The following RPL6 variants were observed in gnomAD, a reference collection of about 807,000 sequenced individuals.
RPL6 encodes ribosomal protein L6, also known as large ribosomal subunit protein eL6.
In RPL6, 1 loss-of-function variant was observed where a neutral mutation model predicts 32.1. The ratio of observed to expected loss-of-function variants is 0.03; its 90% CI spans 0.01 to 0.15. The LOEUF is 0.15. Ranked by LOEUF, RPL6 falls within the 10% of genes least tolerant of loss-of-function variation. RPL6 has a pLI of 1.00. For missense variants in RPL6, 275 were observed against 354.6 expected, an observed-to-expected ratio of 0.78 and a Z score of 1.80; for synonymous variants, 126 against 131.6, an observed-to-expected ratio of 0.96 and a Z score of 0.29.
At chr12:112,405,480 T>C (rs2037134319) in intron 6 of RPL6, 104 bp from the exon 7 acceptor site, 4 of 1,152,402 alleles carry the variant, frequency 3.5e-6, no homozygotes, top group Non-Finnish European at 5.0e-6. Context: ...CAAGAATATT[T>C]AGAAAACATT....
At position 112,405,310 on chromosome 12, in the gene RPL6, T is replaced by G; in HGVS notation, c.781A>C (p.Ile261Leu). The G allele has an allele frequency of 6.2e-7, 1 of 1,611,290 alleles. No individual in the cohort carries two copies. Among genetic ancestry groups the G allele is most frequent in the Non-Finnish European group, 8.5e-7 (1 of 1,179,316 alleles). ...CCCTGGAGCTGAGGAATAGCTTTGA[T>G]TTTTGGTAAAATTTGTGAGTCCACA... ...KAVDSQILPK[I>L]KAIPQLQGYL... The change falls in exon 7 of 7, where the codon ATC becomes CTC. Residue 261 changes from isoleucine to leucine, a missense_variant. By Grantham distance (5) the Ile-to-Leu change is conservative (BLOSUM62 2). Coordinates refer to ENST00000202773, the MANE Select transcript of RPL6 (RefSeq NM_000970.6).
At chr12:112,415,655 G>T (rs1317763594) in intron 1 of RPL6, among the ~76,000 whole-genome samples, 1 of 152,064 alleles carries the variant, frequency 6.6e-6, no homozygotes, top group Non-Finnish European at 1.5e-5. Context: ...GGTGGAGTTT[G>T]CAGTGAGCCG....
chr12:112,418,116 A>T (rs147686007), intron 1 of RPL6, among the ~76,000 whole-genome samples: 2,369 of 152,072 alleles, frequency 0.016, 67 homozygotes, highest in African/African-American at 0.053. Flanking sequence ...AGCAGCTGGG[A>T]CTACAGGCGC....
intron 5 of RPL6, 75 bp downstream of exon 5, chr12:112,406,219 G>C: frequency 7.4e-7 from 1 of 1,359,422 alleles, no homozygotes; most frequent in South Asian, 1.2e-5. Flanking sequence ...GTAGGCAGTA[G>C]CAAACAAACG....
chr12:112,409,630 A>G (rs937935312), upstream of RPL6: 1 of 397,422 alleles, frequency 2.5e-6, no homozygotes, highest in Non-Finnish European at 4.4e-6. Context: ...CTTCCGGTCT[A>G]TAAGCAATCA....
At chr12:112,405,446 T>A in intron 6 of RPL6, 70 bp from the exon 7 acceptor site, 3 of 1,461,682 alleles carry the variant, frequency 2.1e-6, no homozygotes, top group Non-Finnish European at 2.8e-6. Flanking sequence ...AACTAAGGAG[T>A]CCTGTCTCAC....
intron 3 of RPL6, 102 bp from the exon 4 acceptor site, chr12:112,406,992 G>A (rs946742025): frequency 3.7e-6 from 4 of 1,095,518 alleles, no homozygotes; most frequent in Admixed American, 4.9e-5. Context: ...TTATTTTAAA[G>A]TATAATACTG....
At chr12:112,405,186 A>C (rs752283937), downstream of RPL6, 50 of 1,548,196 alleles carry the variant, frequency 3.2e-5, no homozygotes, top group Non-Finnish European at 4.3e-5. Context: ...AAAGAGACAC[A>C]AAATGTAGTC....
At chr12:112,417,124 C>G (rs899285999) in intron 1 of RPL6, among the ~76,000 whole-genome samples, 37 of 152,284 alleles carry the variant, frequency 2.4e-4, no homozygotes, top group Admixed American at 2.2e-3. Context: ...GTGGTGCAGT[C>G]TGGGCTCACT....
chr12:112,411,166 T>C (rs1158302783), upstream of RPL6: 1 of 152,258 alleles, frequency 6.6e-6, no homozygotes, highest in Non-Finnish European at 1.5e-5. Context: ...TTAATGAAGA[T>C]GCATGAGAGT....
At chr12:112,407,670 G>A (rs1169291595) in intron 3 of RPL6, 1 of 153,688 alleles carries the variant, frequency 6.5e-6, no homozygotes, top group East Asian at 1.9e-4. Flanking sequence ...GCTCTAGTGG[G>A]AAATGTTCTA....
At chr12:112,414,597 C>T (rs1056801363), upstream of RPL6, among the ~76,000 whole-genome samples, 2 of 152,102 alleles carry the variant, frequency 1.3e-5, no homozygotes, top group African/African-American at 4.8e-5. Context: ...GACACCCAGG[C>T]AGCTAGATCA....
At chr12:112,407,940 G>T (rs1338508094) in intron 3 of RPL6, 1 of 318,648 alleles carries the variant, frequency 3.1e-6, no homozygotes, top group South Asian at 3.5e-5. Context: ...GGCTGGTCTT[G>T]AACTCCTGAC....
intron 3 of RPL6, chr12:112,407,482 C>A (rs1424685206): frequency 6.5e-6 from 1 of 152,850 alleles, no homozygotes; most frequent in Non-Finnish European, 1.5e-5. Context: ...CAAACATGAT[C>A]ACCTAATGGG....
intron 6 of RPL6, 47 bp from the exon 7 acceptor site, chr12:112,405,423 T>C: frequency 1.3e-6 from 2 of 1,587,222 alleles, no homozygotes; most frequent in African/African-American, 1.4e-5. Context: ...ACATACCAAA[T>C]TACTTGTAGG....
rs1216083231 is a variant in RPL6, at chr12:112,406,253, TG to T, written c.529+40del. 10 of 1,556,094 alleles carry T rather than the reference TG, an allele frequency of 6.4e-6. No homozygotes were observed. In the Admixed American group the frequency reaches 1.2e-4, roughly 18 times the overall value. ...CGTGTATACTGCAAGCATTTAAAAATGGAAGTTTCACAGAACATCACAATCC... is the reference window on the plus strand; with the variant it reads ...CGTGTATACTGCAAGCATTTAAAAATGAAGTTTCACAGAACATCACAATCC... On this transcript the variant is annotated intron_variant, in intron 5 of 6. Coordinates refer to ENST00000202773, the MANE Select transcript of RPL6 (RefSeq NM_000970.6).
At chr12:112,412,220 T>C (rs1262711244), upstream of RPL6, among the ~76,000 whole-genome samples, 1 of 152,138 alleles carries the variant, frequency 6.6e-6, no homozygotes. Flanking sequence ...TTTGTATTTT[T>C]AGTAGAGGTG....
intron 6 of RPL6, 64 bp from the exon 7 acceptor site, chr12:112,405,440 A>G: frequency 3.3e-6 from 5 of 1,504,850 alleles, no homozygotes; most frequent in African/African-American, 1.4e-5. Context: ...TAGGTCAACT[A>G]AGGAGTCCTG....
chr12:112,418,645 T>C lies in RPL6; in HGVS notation c.-229+83A>G, dbSNP rs1594118728. On this transcript the variant is annotated intron_variant, in intron 1 of 5. Coordinates refer to the RPL6 transcript ENST00000551291. Reference sequence around the variant, plus strand: ...CCACAGCTAATGAGTGGAGCGGCGATTTGTGGAACGAAATGAATGAAATCG... The same window carrying C: ...CCACAGCTAATGAGTGGAGCGGCGACTTGTGGAACGAAATGAATGAAATCG... The C allele has an allele frequency of 1.1e-5, 3 of 284,834 alleles. No individual in the cohort carries two copies. The East Asian group carries it at 1.8e-4, about 17-fold the overall frequency. 17.6% of individuals were successfully genotyped at this position (284,834 alleles called of 1,614,324 possible). A position where few individuals can be genotyped will look rare whatever the true frequency, so the allele number is the denominator to read the frequency against.
Sources: gnomAD v4.1 joint callset for allele counts (sites outside exome capture counted in the v4.1 genomes callset) on GRCh38, gnomAD v4.1.1 for gene constraint, MANE v1.5 for transcripts, NCBI Gene and HGNC (gene_info 2026-07-23, HGNC 2026-07-21) for gene names.